ZNF723: variants seen among roughly 807,000 people sequenced by gnomAD.
The protein encoded by ZNF723 is zinc finger protein 723, pseudogene.
A neutral mutation model predicts 9.4 loss-of-function variants in ZNF723; 5 were observed. The ratio of observed to expected loss-of-function variants is 0.53; its 90% CI spans 0.28 to 1.12. The LOEUF (loss-of-function observed/expected upper bound fraction) is 1.12. Ranked by LOEUF, ZNF723 falls within the 50% of genes most tolerant of loss-of-function variation. ZNF723 has a pLI of 0.10. For synonymous variants in ZNF723, 158 were observed against 168.8 expected (o/e 0.94, Z 0.49); for missense variants, 450 against 501.5 (o/e 0.90, Z 0.98).
chr19:22,846,285 C>T (rs188994413), intron 1 of ZNF723, among the ~76,000 whole-genome samples: 3 of 152,196 alleles, frequency 2.0e-5, no homozygotes, highest in East Asian at 3.9e-4. Context: ...CATTTGTGTT[C>T]CCCATTAGCA....
the ZNF723 span, among the ~76,000 whole-genome samples, chr19:22,818,016 G>A: frequency 0.19 from 28,254 of 152,072 alleles, 3,256 homozygotes; most frequent in African/African-American, 0.33. Context: ...GAACTGTGAC[G>A]GTCATATGTA....
the ZNF723 span, among the ~76,000 whole-genome samples, chr19:22,818,868 A>G: frequency 6.6e-6 from 1 of 152,078 alleles, no homozygotes; most frequent in Non-Finnish European, 1.5e-5. Context: ...CAGATATGCC[A>G]TTGTGCTATA....
the ZNF723 span, among the ~76,000 whole-genome samples, chr19:22,826,340 C>T: frequency 6.6e-6 from 1 of 151,964 alleles, no homozygotes; most frequent in Non-Finnish European, 1.5e-5. Flanking sequence ...GACTCTTGTA[C>T]CTGGACTCAG....
chr19:22,816,787 C>T, the ZNF723 span, among the ~76,000 whole-genome samples: 12 of 152,244 alleles, frequency 7.9e-5, no homozygotes, highest in African/African-American at 2.9e-4. Context: ...CTGTGTTTTG[C>T]CCACATGGGC....
chr19:22,851,406 A>G (rs1967393138), intron 3 of ZNF723, among the ~76,000 whole-genome samples: 1 of 152,112 alleles, frequency 6.6e-6, no homozygotes, highest in Non-Finnish European at 1.5e-5. Context: ...TCCTGATGTC[A>G]GGTGATCTGC....
chr19:22,820,313 C>T, the ZNF723 span, among the ~76,000 whole-genome samples: 3 of 152,090 alleles, frequency 2.0e-5, no homozygotes, highest in Admixed American at 1.3e-4. Context: ...AGGCCTTGTT[C>T]ACAGGGAGAA....
chr19:22,821,713 C>T, the ZNF723 span, among the ~76,000 whole-genome samples: 138 of 152,272 alleles, frequency 9.1e-4, no homozygotes, highest in Middle Eastern at 3.4e-3. Flanking sequence ...TATATGGGAA[C>T]CCAGCCAATA....
chr19:22,857,988 A>G lies in ZNF723; in HGVS notation c.1097A>G (p.Glu366Gly). The G allele has an allele frequency of 6.5e-7, 1 of 1,541,530 alleles. No individual in the cohort carries two copies. The highest frequency in any genetic ancestry group is 9.0e-7 in the Non-Finnish European group (1 of 1,115,046). ...ITTHKRIHTG[E>G]KPYKCEECGK... ...ACACATAAGAGAATTCACACTGGAG[A>G]GAAACCCTACAAATGTGAAGAATGT... The change falls in exon 4 of 4, where the codon GAG becomes GGG. Residue 366 changes from glutamate (E) to glycine (G), a missense_variant. Physicochemically the swap from Glu to Gly is moderately conservative, Grantham distance 98 (BLOSUM62 -2). Transcript: ENST00000600766.
intron 1 of ZNF723, among the ~76,000 whole-genome samples, chr19:22,838,680 A>G (rs1238003506): frequency 6.6e-6 from 1 of 151,978 alleles, no homozygotes; most frequent in Non-Finnish European, 1.5e-5. Context: ...GCCACACAGT[A>G]TTCCATGATA....
rs1005990122 is a variant in ZNF723 at position 22,838,595 on chromosome 19, A to C, written c.3+6213A>C. ...CATGCATTTGCTTTTGTCTTTCAGC[A>C]TTAGTTTTCTAAGGATAATGGGTCA... On this transcript the variant is annotated intron_variant, in intron 1 of 3. Transcript: ENST00000600766. Among the ~76,000 whole-genome samples the C allele has an allele frequency of 3.3e-5, 5 of 151,916 alleles. No homozygotes were observed. The East Asian group carries it at 9.6e-4, about 29-fold the overall frequency.
upstream of ZNF723, among the ~76,000 whole-genome samples, chr19:22,831,233 A>G (rs763273753): frequency 2.0e-5 from 3 of 152,138 alleles, no homozygotes; most frequent in African/African-American, 7.2e-5. Context: ...AAGGGCTGAA[A>G]TGGTCTTGAA....
At chr19:22,829,093 A>C (rs555220534), upstream of ZNF723, among the ~76,000 whole-genome samples, 6 of 152,110 alleles carry the variant, frequency 3.9e-5, no homozygotes, top group South Asian at 1.2e-3. Context: ...GAATCGTTTG[A>C]ACCTGGGAGG....
At chr19:22,840,965 G>T (rs1967236905) in intron 1 of ZNF723, 1 of 152,364 alleles carries the variant, frequency 6.6e-6, no homozygotes, top group Non-Finnish European at 1.5e-5. Flanking sequence ...GTGGCAATTG[G>T]GGTTCATGTA....
At chr19:22,823,422 C>G in the ZNF723 span, among the ~76,000 whole-genome samples, 1 of 152,092 alleles carries the variant, frequency 6.6e-6, no homozygotes, top group Admixed American at 6.6e-5. Context: ...AATCTTGGAC[C>G]AACATTCAAC....
chr19:22,816,596 T>C, the ZNF723 span, among the ~76,000 whole-genome samples: 1 of 152,262 alleles, frequency 6.6e-6, no homozygotes, highest in Non-Finnish European at 1.5e-5. Context: ...GACGTATACC[T>C]CAGCCTAGCA....
At chr19:22,829,393 A>G (rs949505791), upstream of ZNF723, among the ~76,000 whole-genome samples, 12 of 151,210 alleles carry the variant, frequency 7.9e-5, 1 homozygote, top group Non-Finnish European at 1.3e-4. Context: ...TCAAGTGATT[A>G]TCCTGCCTCA....
intron 1 of ZNF723, among the ~76,000 whole-genome samples, chr19:22,834,004 C>A (rs1174259551): frequency 1.3e-5 from 2 of 150,258 alleles, no homozygotes; most frequent in Non-Finnish European, 3.0e-5. Context: ...CAACCTCCGC[C>A]TCCCAGGCTC....
the ZNF723 span, among the ~76,000 whole-genome samples, chr19:22,813,011 T>C: frequency 4.6e-5 from 7 of 152,134 alleles, no homozygotes; most frequent in African/African-American, 1.7e-4. Flanking sequence ...TCTCACTTTG[T>C]CACCCAGGCT....
At chr19:22,850,103 C>G (rs1210475575) in intron 3 of ZNF723, among the ~76,000 whole-genome samples, 1 of 145,838 alleles carries the variant, frequency 6.9e-6, no homozygotes, top group Non-Finnish European at 1.5e-5. Flanking sequence ...ATGACATCCT[C>G]CTGGTTTGTT....
Sources: gnomAD v4.1 joint callset for allele counts (sites outside exome capture counted in the v4.1 genomes callset) on GRCh38, gnomAD v4.1.1 for gene constraint, MANE v1.5 for transcripts, NCBI Gene and HGNC (gene_info 2026-07-23, HGNC 2026-07-21) for gene names.